The following GNA14 variants were observed in gnomAD, a reference collection of about 807,000 sequenced individuals.
GNA14 encodes G protein subunit alpha 14.
GNA14 carries 50 observed loss-of-function variants against 42.0 expected under a neutral mutation model. The observed-to-expected ratio is 1.19, with a 90% CI of 0.95 to 1.51. The LOEUF (loss-of-function observed/expected upper bound fraction) is 1.51. Ranked by LOEUF, GNA14 falls within the 40% of genes most tolerant of loss-of-function variation. The pLI is 0.00. For missense variants in GNA14, 473 were observed against 446.2 expected (o/e 1.06, Z -0.54); for synonymous variants, 173 against 163.1 (o/e 1.06, Z -0.46).
intron 2 of GNA14, among the ~76,000 whole-genome samples, chr9:77,520,746 T>C (rs986678854): frequency 4.6e-5 from 7 of 152,176 alleles, no homozygotes; most frequent in Non-Finnish European, 8.8e-5. Flanking sequence ...GACGGATGCA[T>C]AAGTGTTCAA....
chr9:77,545,495 C>G (rs1409456865), intron 1 of GNA14, among the ~76,000 whole-genome samples: 1 of 152,128 alleles, frequency 6.6e-6, no homozygotes, highest in Non-Finnish European at 1.5e-5. Flanking sequence ...AGAAAATATG[C>G]AAATTTGCTC....
Position 77,570,870 on chromosome 9 carries a change from C to T in GNA14, c.125-41617G>A, listed in dbSNP as rs74452447. 4.4e-3 allele frequency among the ~76,000 whole-genome samples: 667 copies of T among 151,006 alleles called. 7 individuals carry two copies. The highest frequency in any genetic ancestry group is 0.015 in the African/African-American group (586 of 40,366). ...TTCCCACTGGAAATATCTGAGCTCT[C>T]AAATTTTAATGTTTCTGAAATAAGA... is the stretch of plus-strand genomic sequence containing the variant. On this transcript the variant is annotated intron_variant, in intron 1 of 6. Transcript: ENST00000341700.
At chr9:77,602,478 T>G (rs1823582422) in intron 1 of GNA14, among the ~76,000 whole-genome samples, 1 of 152,208 alleles carries the variant, frequency 6.6e-6, no homozygotes, top group South Asian at 2.1e-4. Flanking sequence ...ATGGATGTTA[T>G]TCTGTCAACT....
chr9:77,618,485 G>T (rs1378803430), intron 1 of GNA14, among the ~76,000 whole-genome samples: 1 of 149,572 alleles, frequency 6.7e-6, no homozygotes, highest in Admixed American at 6.7e-5. Context: ...GTAGTTACGT[G>T]GAGCCATTGT....
intron 1 of GNA14, among the ~76,000 whole-genome samples, chr9:77,573,662 C>G (rs963281766): frequency 4.6e-5 from 7 of 152,210 alleles, no homozygotes; most frequent in African/African-American, 1.7e-4. Context: ...GCACCAAAAT[C>G]TCTAACCATG....
intron 2 of GNA14, among the ~76,000 whole-genome samples, chr9:77,519,132 C>T (rs72730888): frequency 0.028 from 4,313 of 152,224 alleles, 77 homozygotes; most frequent in Middle Eastern, 0.044. Flanking sequence ...AAACAGAGGC[C>T]GGACAAGGTG....
intron 1 of GNA14, among the ~76,000 whole-genome samples, chr9:77,577,891 G>T (rs1823154161): frequency 6.6e-6 from 1 of 152,006 alleles, no homozygotes. Flanking sequence ...TAGTATTACT[G>T]CAGTATGAAG....
At chr9:77,549,724 GT>G (rs1366251024) in intron 1 of GNA14, among the ~76,000 whole-genome samples, 1 of 152,142 alleles carries the variant, frequency 6.6e-6, no homozygotes, top group Non-Finnish European at 1.5e-5. Context: ...CACCCTAAGA[GT>G]TGGGGAAAAG....
At chr9:77,436,485 C>T (rs1011867167) in intron 2 of GNA14, among the ~76,000 whole-genome samples, 2 of 152,196 alleles carry the variant, frequency 1.3e-5, no homozygotes, top group Admixed American at 1.3e-4. Flanking sequence ...AGCCTCTAAA[C>T]CCTGACTTCT....
intron 2 of GNA14, among the ~76,000 whole-genome samples, chr9:77,489,920 T>C (rs577773021): frequency 2.1e-4 from 32 of 152,240 alleles, no homozygotes; most frequent in Admixed American, 3.9e-4. Flanking sequence ...AGGTTGCCAC[T>C]GGCAGCCTGT....
chr9:77,512,010 G>A lies in GNA14; in HGVS notation c.309+17059C>T, dbSNP rs530712653. Among the ~76,000 whole-genome samples, 6 of 152,202 alleles carry A rather than the reference G, an allele frequency of 3.9e-5. No homozygotes were observed. In the East Asian group the frequency reaches 1.2e-3, roughly 29 times the overall value. On this transcript the variant is annotated intron_variant, in intron 2 of 6. Transcript: ENST00000341700. ...TTGGCTGCCTCCCGGCCCTACCTTGGAGCCTCCCTCAAGCTTTCTAAGAAG... is the reference window on the plus strand; with the variant it reads ...TTGGCTGCCTCCCGGCCCTACCTTGAAGCCTCCCTCAAGCTTTCTAAGAAG...
At chr9:77,545,274 C>A (rs1837706537) in intron 1 of GNA14, among the ~76,000 whole-genome samples, 1 of 152,100 alleles carries the variant, frequency 6.6e-6, no homozygotes, top group Non-Finnish European at 1.5e-5. Flanking sequence ...GAGGAGCTAC[C>A]AGTGCAATTA....
rs553691028 is a variant in GNA14 at position 77,467,799 on chromosome 9, C to T, written c.310-33277G>A. Among the ~76,000 whole-genome samples, 3 of 152,078 alleles carry T rather than the reference C, an allele frequency of 2.0e-5. No individual in the cohort carries two copies. The East Asian group carries it at 5.8e-4, about 30-fold the overall frequency. ...ACAGTGGCCCACTTCTGCAGTGAAA[C>T]TTATGCTCTACAAGTGGGTACTGTG... On this transcript the variant is annotated intron_variant, in intron 2 of 6. Transcript: ENST00000341700.
At chr9:77,601,396 G>A (rs986856028) in intron 1 of GNA14, among the ~76,000 whole-genome samples, 18 of 152,120 alleles carry the variant, frequency 1.2e-4, no homozygotes, top group Admixed American at 1.3e-4. Flanking sequence ...TAACATCAGC[G>A]TTCACAGATA....
At chr9:77,642,933 C>T (rs1434567977) in intron 1 of GNA14, among the ~76,000 whole-genome samples, 2 of 152,288 alleles carry the variant, frequency 1.3e-5, no homozygotes, top group Non-Finnish European at 2.9e-5. Flanking sequence ...AGCCCCCATG[C>T]GCAGACAATT....
At chr9:77,520,959 G>A (rs565909863) in intron 2 of GNA14, among the ~76,000 whole-genome samples, 1 of 152,274 alleles carries the variant, frequency 6.6e-6, no homozygotes, top group East Asian at 1.9e-4. Context: ...AAAGGGTAGT[G>A]GGTGTTTTAA....
intron 1 of GNA14, 86 bp from the exon 2 acceptor site, chr9:77,529,339 T>C: frequency 9.9e-7 from 1 of 1,009,012 alleles, no homozygotes; most frequent in Non-Finnish European, 1.6e-6. Flanking sequence ...GCAGTATTAA[T>C]CCACATCCCA....
intron 1 of GNA14, among the ~76,000 whole-genome samples, chr9:77,539,667 T>C (rs1055842726): frequency 2.0e-5 from 3 of 152,226 alleles, no homozygotes; most frequent in African/African-American, 7.2e-5. Context: ...ACATTTTTAT[T>C]ACTGATTCAA....
intron 2 of GNA14, among the ~76,000 whole-genome samples, chr9:77,506,214 T>G (rs907346431): frequency 4.6e-5 from 7 of 150,756 alleles, no homozygotes; most frequent in Admixed American, 1.3e-4. Flanking sequence ...CTCAGGAGGT[T>G]GAGGTTGCAG....
Sources: gnomAD v4.1 joint callset for allele counts (sites outside exome capture counted in the v4.1 genomes callset) on GRCh38, gnomAD v4.1.1 for gene constraint, MANE v1.5 for transcripts, NCBI Gene and HGNC (gene_info 2026-07-23, HGNC 2026-07-21) for gene names.